The following XKR3 variants were observed in gnomAD, a reference collection of about 807,000 sequenced individuals.
XKR3 encodes the protein XK related 3.
In XKR3, 27 loss-of-function variants were observed where a neutral mutation model predicts 40.3. The observed-to-expected ratio is 0.67, with a 90% CI of 0.49 to 0.92. The LOEUF (loss-of-function observed/expected upper bound fraction) is 0.92, where lower values mean the gene tolerates loss of function less well. Among genes scored for constraint, XKR3 ranks in the 40% least tolerant of loss-of-function variants. XKR3 has a pLI of 0.00. For missense variants in XKR3, 472 were observed against 537.6 expected, an observed-to-expected ratio of 0.88 and a Z score of 1.21; for synonymous variants, 193 against 195.4, an observed-to-expected ratio of 0.99 and a Z score of 0.10.
rs371321300 is a variant in XKR3 at position 16,808,099 on chromosome 22, C to T, written c.-10-16G>A. On this transcript the variant is annotated splice_polypyrimidine_tract_variant and intron_variant, in intron 1 of 3. Transcript: ENST00000684488. ...TCTCAGGGTGCTGCTAATTCAAAGT[C>T]GTCTTGTCAGTGAATCCAGTAGAGT... The T allele has an allele frequency of 3.4e-4, 528 of 1,554,560 alleles. 1 individual carries two copies. The highest frequency in any genetic ancestry group is 3.1e-4 in the Non-Finnish European group (361 of 1,152,336).
chr22:16,788,778 G>C (rs1601839268), intron 3 of XKR3, among the ~76,000 whole-genome samples: 1 of 151,978 alleles, frequency 6.6e-6, no homozygotes, highest in Non-Finnish European at 1.5e-5. Flanking sequence ...TGCACATTTA[G>C]AAAATCATTC....
chr22:16,816,077 C>T (rs1337066751), intron 1 of XKR3, among the ~76,000 whole-genome samples: 1 of 151,630 alleles, frequency 6.6e-6, no homozygotes, highest in Non-Finnish European at 1.5e-5. Context: ...TGTGATTATT[C>T]CCAAGTAAAA....
chr22:16,823,115 G>A (rs2060263142), intron 1 of XKR3, among the ~76,000 whole-genome samples: 1 of 152,136 alleles, frequency 6.6e-6, no homozygotes, highest in African/African-American at 2.4e-5. Context: ...GAGCTAAAGT[G>A]ATCCACCTGC....
chr22:16,791,144 A>G (rs1317779837), intron 3 of XKR3, among the ~76,000 whole-genome samples: 7 of 152,174 alleles, frequency 4.6e-5, no homozygotes, highest in African/African-American at 1.7e-4. Flanking sequence ...ATATAGAATC[A>G]CCTCAAGTGT....
intron 1 of XKR3, among the ~76,000 whole-genome samples, chr22:16,809,703 C>T (rs2060204997): frequency 6.6e-6 from 1 of 152,182 alleles, no homozygotes; most frequent in African/African-American, 2.4e-5. Flanking sequence ...CAACGGTCCA[C>T]CAAAAGTACT....
chr22:16,791,848 T>TCA (rs2060120615), intron 3 of XKR3, among the ~76,000 whole-genome samples: 2 of 146,248 alleles, frequency 1.4e-5, no homozygotes, highest in Non-Finnish European at 3.0e-5. Flanking sequence ...ACTCTGAGAC[T>TCA]AAAGGGGAAA....
chr22:16,784,170 A>G lies in XKR3; in HGVS notation c.829T>C (p.Leu277=). The change falls in exon 4 of 4, where the codon TTG becomes CTG. Residue 277 remains leucine (L), a synonymous_variant. Transcript: ENST00000684488. ...VLLIIYFVSL[L]APWLEFWKSG... ...TTCCAAAACTCCAGCCACGGTGCCA[A>G]CAATGATACAAAATATATGATTAAC... 2 of 1,614,244 alleles carry G rather than the reference A, an allele frequency of 1.2e-6. No homozygotes were observed. The highest frequency in any genetic ancestry group is 1.1e-5 in the South Asian group (1 of 91,088).
chr22:16,820,980 T>C (rs1437711952), intron 1 of XKR3, among the ~76,000 whole-genome samples: 1 of 152,080 alleles, frequency 6.6e-6, no homozygotes. Flanking sequence ...CAAACTATTA[T>C]CATCCATAAA....
chr22:16,807,960 G>A lies in XKR3; in HGVS notation c.114C>T (p.Ile38=), dbSNP rs749239676. Residue 38 remains isoleucine (I), a synonymous_variant, in exon 2 of 4, where the codon ATC becomes ATT. Transcript: ENST00000684488. ...CACCACAGTAGAGAACAGTTGAGAA[G>A]ATAATGCTAAAAGGAAAGCTTAGAT... The part of the protein sequence containing the change: ...RLHLSFPFSI[I]FSTVLYCGEV... 1.9e-6 allele frequency: 3 copies of A among 1,613,984 alleles called. No individual in the cohort carries two copies. The highest frequency in any genetic ancestry group is 1.7e-5 in the Admixed American group (1 of 60,028).
intron 1 of XKR3, among the ~76,000 whole-genome samples, chr22:16,816,405 G>A (rs1222685094): frequency 6.7e-6 from 1 of 149,232 alleles, no homozygotes; most frequent in Non-Finnish European, 1.5e-5. Context: ...CATTTTTCCT[G>A]GTTTTGACAT....
intron 1 of XKR3, among the ~76,000 whole-genome samples, chr22:16,809,885 G>C (rs1486155639): frequency 6.6e-6 from 1 of 152,010 alleles, no homozygotes; most frequent in Non-Finnish European, 1.5e-5. Context: ...CCACCTTCCG[G>C]GTGATTGTGA....
intron 2 of XKR3, among the ~76,000 whole-genome samples, chr22:16,801,506 C>A (rs2060168756): frequency 6.6e-6 from 1 of 152,124 alleles, no homozygotes; most frequent in Non-Finnish European, 1.5e-5. Flanking sequence ...TACACCACTG[C>A]TCTCCAACCT....
intron 1 of XKR3, among the ~76,000 whole-genome samples, chr22:16,809,999 G>C (rs766137855): frequency 2.0e-5 from 3 of 152,128 alleles, no homozygotes; most frequent in Admixed American, 6.5e-5. Context: ...CCTTCTGCCC[G>C]CCTCAGGCTC....
chr22:16,808,013 C>T lies in XKR3; in HGVS notation c.61G>A (p.Glu21Lys), dbSNP rs760369835. Residue 21 changes from glutamate (E) to lysine (K), a missense_variant, in exon 2 of 4, where the codon GAA becomes AAA. Glu to Lys is a moderately conservative substitution (Grantham distance 56). Transcript: ENST00000684488. Reference protein sequence around the residue: ...ESTGGVSSSKEEIVLGQRLHL... With the variant: ...ESTGGVSSSKKEIVLGQRLHL... ...AGTCTCTGGCCAAGGACTATTTCTTCTTTCGAAGATGAAACTCCTCCTGTG... is the reference window on the plus strand; with the variant it reads ...AGTCTCTGGCCAAGGACTATTTCTTTTTTCGAAGATGAAACTCCTCCTGTG... The T allele has an allele frequency of 7.4e-6, 12 of 1,613,354 alleles. 1 individual carries two copies. In the South Asian group the frequency reaches 1.1e-4, roughly 15 times the overall value.
At chr22:16,818,582 C>T (rs571571879) in intron 1 of XKR3, among the ~76,000 whole-genome samples, 36 of 152,186 alleles carry the variant, frequency 2.4e-4, no homozygotes, top group Admixed American at 2.1e-3. Flanking sequence ...CTACTCCAGA[C>T]GAACACCACA....
intron 1 of XKR3, among the ~76,000 whole-genome samples, chr22:16,816,462 G>C (rs781524468): frequency 1.1e-4 from 16 of 151,348 alleles, no homozygotes; most frequent in Non-Finnish European, 2.1e-4. Context: ...AAAGGGCCCA[G>C]TTAGTTGATA....
In XKR3 at chr22:16,799,819, A is replaced by G; in HGVS notation, c.541T>C (p.Leu181=). Residue 181 remains leucine (L), a synonymous_variant, in exon 3 of 4, where the codon TTG becomes CTG. Transcript: ENST00000684488. ...ATAGTGAGACTGATATACATCTGCA[A>G]AATTAATTGTGGAACAGAACCGAGA... ...AFLGSVPQLI[L]QMYISLTIRE... is the part of the protein sequence containing the mutation. The G allele has an allele frequency of 6.2e-7, 1 of 1,614,144 alleles. No homozygotes were observed. The highest frequency in any genetic ancestry group is 8.5e-7 in the Non-Finnish European group (1 of 1,179,994).
intron 2 of XKR3, among the ~76,000 whole-genome samples, chr22:16,801,686 CAAA>C (rs71688132): frequency 1.1e-4 from 14 of 121,920 alleles, no homozygotes; most frequent in African/African-American, 2.9e-4. Flanking sequence ...AAGCTATCAG[CAAA>C]AAAAAAAAAA....
intron 1 of XKR3, among the ~76,000 whole-genome samples, chr22:16,817,396 T>C (rs763549213): frequency 6.6e-6 from 1 of 152,076 alleles, no homozygotes; most frequent in Non-Finnish European, 1.5e-5. Context: ...TTGTACGTAA[T>C]ATAAAAAATC....
Sources: gnomAD v4.1 joint callset for allele counts (sites outside exome capture counted in the v4.1 genomes callset) on GRCh38, gnomAD v4.1.1 for gene constraint, MANE v1.5 for transcripts, NCBI Gene and HGNC (gene_info 2026-07-23, HGNC 2026-07-21) for gene names.